PPP4R1: variants seen among roughly 807,000 people sequenced by gnomAD.
The protein encoded by PPP4R1 is protein phosphatase 4 regulatory subunit 1.
PPP4R1 carries 42 observed loss-of-function variants against 111.2 expected under a neutral mutation model. The observed-to-expected ratio is 0.38, with a 90% CI of 0.29 to 0.49. PPP4R1 has a LOEUF of 0.49. Ranked by LOEUF, PPP4R1 falls within the 20% of genes least tolerant of loss-of-function variation. The probability of loss-of-function intolerance (pLI) is 0.97; values close to 1 mark genes in which losing one functional copy is unlikely to be tolerated. For missense variants in PPP4R1, 1,012 were observed against 1,161.6 expected (o/e 0.87, Z 1.87); for synonymous variants, 409 against 405.5 (o/e 1.01, Z -0.10).
intron 9 of PPP4R1, among the ~76,000 whole-genome samples, chr18:9,580,351 AT>A (rs3974279): frequency 0.051 from 7,519 of 146,214 alleles, 461 homozygotes; most frequent in African/African-American, 0.15. Context: ...TGAGAGTCTA[AT>A]TTTTTTTTTT....
At chr18:9,570,001 C>A (rs755705778) in intron 11 of PPP4R1, among the ~76,000 whole-genome samples, 156 bp downstream of exon 11, 1 of 152,154 alleles carries the variant, frequency 6.6e-6, no homozygotes, top group Non-Finnish European at 1.5e-5. Flanking sequence ...CCTCCTGTCT[C>A]AACCTCTCAA....
chr18:9,613,737 C>A (rs1322743051), intron 2 of PPP4R1: 1 of 152,402 alleles, frequency 6.6e-6, no homozygotes, highest in African/African-American at 2.4e-5. Flanking sequence ...CAATCCAAAA[C>A]CGGGTCGGGG....
chr18:9,572,789 C>CTTA (rs2066881963), intron 10 of PPP4R1, among the ~76,000 whole-genome samples: 1 of 152,128 alleles, frequency 6.6e-6, no homozygotes, highest in South Asian at 2.1e-4. Context: ...TACTGATGAA[C>CTTA]AAAAACATAC....
Position 9,614,271 on chromosome 18 carries a change from C to A in PPP4R1, c.8-1G>T. 7.5e-7 allele frequency: 1 copy of A among 1,332,186 alleles called. No individual in the cohort carries two copies. Among genetic ancestry groups the A allele is most frequent in the South Asian group, 1.8e-5 (1 of 54,216 alleles). The allele number at this position is 1,332,186 out of a possible 1,614,324, so 82.5% of individuals were successfully genotyped here. A position where few individuals can be genotyped will look rare whatever the true frequency, so the allele number is the denominator to read the frequency against. On this transcript the variant is annotated splice_acceptor_variant, in intron 1 of 19. Transcript: ENST00000400556. LOFTEE classifies it high-confidence loss of function. The surrounding 1 kb of genome is among the most constrained non-coding windows in gnomAD (Gnocchi z 4.1). ...AGGTCCTCCTGAAGCAGCGAGAGGTCTGCGCCGAGGGGAGAGAAGAAAGGC... is the reference window on the plus strand; with the variant it reads ...AGGTCCTCCTGAAGCAGCGAGAGGTATGCGCCGAGGGGAGAGAAGAAAGGC...
chr18:9,585,294 G>C (rs1384799061), intron 6 of PPP4R1, among the ~76,000 whole-genome samples: 1 of 152,152 alleles, frequency 6.6e-6, no homozygotes, highest in African/African-American at 2.4e-5. Context: ...TCCTCGCCTT[G>C]CAAAGCACCC....
At chr18:9,562,206 G>C in intron 12 of PPP4R1, 131 bp from the exon 13 acceptor site, 1 of 657,264 alleles carries the variant, frequency 1.5e-6, no homozygotes, top group East Asian at 2.9e-5. Flanking sequence ...GTTTTTAAAA[G>C]CTTATAAACA....
chr18:9,614,466 G>T lies in PPP4R1; in HGVS notation c.7+12C>A. On this transcript the variant is annotated intron_variant, in intron 1 of 19. Transcript: ENST00000400556. This position sits in a 1 kb window ranked among gnomAD's most constrained non-coding sequence, Gnocchi z 4.1. The stretch of plus-strand genomic sequence containing the variant: ...GGAGCCGCCGCCGCCCGGAGAACAG[G>T]GGGCCACGTACCCGCCATCTTGTGG... 1 of 1,033,274 alleles carries T rather than the reference G, an allele frequency of 9.7e-7. No individual in the cohort carries two copies. The highest frequency in any genetic ancestry group is 1.2e-6 in the Non-Finnish European group (1 of 861,732). 64.0% of individuals were successfully genotyped at this position (1,033,274 alleles called of 1,614,324 possible).
chr18:9,583,364 T>TTTTG (rs563453869), intron 8 of PPP4R1, 89 bp from the exon 9 acceptor site: 54 of 1,258,478 alleles, frequency 4.3e-5, no homozygotes, highest in Middle Eastern at 3.9e-4. Context: ...TTCACGCTTC[T>TTTTG]TTTGTTTGTT....
At position 9,553,442 on chromosome 18, in the gene PPP4R1, A is replaced by G. The variant is rs569553312; in HGVS notation, c.2191-20T>C. The G allele has an allele frequency of 7.2e-5, 107 of 1,479,382 alleles. No individual in the cohort carries two copies. In the South Asian group the frequency reaches 1.1e-3, roughly 15 times the overall value. The allele number at this position is 1,479,382 out of a possible 1,614,324, so 91.6% of individuals were successfully genotyped here. A position where few individuals can be genotyped will look rare whatever the true frequency, so the allele number is the denominator to read the frequency against. ...AAGAAGCTAAAGTAACAAAATAAAAATATTTACCAGGACAAGGTACAGACA... is the reference window on the plus strand; with the variant it reads ...AAGAAGCTAAAGTAACAAAATAAAAGTATTTACCAGGACAAGGTACAGACA... On this transcript the variant is annotated intron_variant, in intron 15 of 19. Coordinates refer to ENST00000400556, the MANE Select transcript of PPP4R1 (RefSeq NM_001042388.3).
In PPP4R1 at chr18:9,570,436, A is replaced by G; in HGVS notation, c.1294T>C (p.Ser432Pro). 6.2e-7 allele frequency: 1 copy of G among 1,614,176 alleles called. No individual in the cohort carries two copies. The highest frequency in any genetic ancestry group is 8.5e-7 in the Non-Finnish European group (1 of 1,180,016). The change falls in exon 11 of 20, where the codon TCT becomes CCT. Residue 432 changes from serine to proline, a missense_variant. Ser to Pro is a moderately conservative substitution (Grantham distance 74). Transcript: ENST00000400556. ...GTGCCAACCTCTGGTCGTAACATAGATTTGTAGTTACCAGGTTTTTTATCA... is the reference window on the plus strand; with the variant it reads ...GTGCCAACCTCTGGTCGTAACATAGGTTTGTAGTTACCAGGTTTTTTATCA... ...ENDKKPGNYKSMLRPEVGTTS... is the reference protein window; with the variant it reads ...ENDKKPGNYKPMLRPEVGTTS...
intron 12 of PPP4R1, among the ~76,000 whole-genome samples, chr18:9,562,518 C>T (rs747530944): frequency 2.0e-5 from 3 of 152,180 alleles, no homozygotes; most frequent in African/African-American, 7.2e-5. Flanking sequence ...ACAACAACAA[C>T]ATAAACACCT....
chr18:9,585,625 T>C (rs898296432), intron 6 of PPP4R1, among the ~76,000 whole-genome samples: 1 of 152,164 alleles, frequency 6.6e-6, no homozygotes. Flanking sequence ...ACGACATGGT[T>C]GTCTACACAG....
intron 2 of PPP4R1, among the ~76,000 whole-genome samples, chr18:9,609,477 C>A (rs986064346): frequency 1.3e-5 from 2 of 152,172 alleles, no homozygotes; most frequent in Admixed American, 6.5e-5. Flanking sequence ...AGGCGGTTAC[C>A]CTCAGTTAGT....
At chr18:9,570,787 TA>T in intron 10 of PPP4R1, 104 bp from the exon 11 acceptor site, 1 of 1,234,180 alleles carries the variant, frequency 8.1e-7, no homozygotes, top group South Asian at 1.7e-5. Flanking sequence ...AGTTAAACAT[TA>T]AAAATTACGG....
At chr18:9,590,728 G>A (rs910759555) in intron 4 of PPP4R1, among the ~76,000 whole-genome samples, 12 of 151,816 alleles carry the variant, frequency 7.9e-5, no homozygotes, top group African/African-American at 2.2e-4. Context: ...TTTGTATCAC[G>A]CACATGAATA....
At chr18:9,586,101 A>C (rs2067111829) in intron 6 of PPP4R1, among the ~76,000 whole-genome samples, 1 of 152,062 alleles carries the variant, frequency 6.6e-6, no homozygotes, top group Admixed American at 6.5e-5. Context: ...TAGCATAACT[A>C]AATTTATTTA....
intron 4 of PPP4R1, among the ~76,000 whole-genome samples, chr18:9,592,085 C>A (rs1013777564): frequency 1.3e-5 from 2 of 152,084 alleles, no homozygotes; most frequent in Non-Finnish European, 2.9e-5. Context: ...CAAAAACACC[C>A]AATTAATTGG....
intron 2 of PPP4R1, among the ~76,000 whole-genome samples, chr18:9,610,238 T>G (rs992411054): frequency 1.3e-5 from 2 of 152,204 alleles, no homozygotes; most frequent in South Asian, 4.1e-4. Context: ...CTGAAATAAT[T>G]TTTTCTAAAC....
At chr18:9,574,108 T>C (rs552680141) in intron 10 of PPP4R1, among the ~76,000 whole-genome samples, 64 of 152,324 alleles carry the variant, frequency 4.2e-4, no homozygotes, top group African/African-American at 1.5e-3. Context: ...AATGCTATTG[T>C]ACAAGACAAA....
Sources: allele counts gnomAD v4.1 joint callset (sites outside exome capture counted in the v4.1 genomes callset), GRCh38; gene constraint gnomAD v4.1.1; non-coding constraint Gnocchi (gnomAD v3.1); transcripts MANE v1.5; gene names NCBI Gene and HGNC (gene_info 2026-07-23, HGNC 2026-07-21).